The following DPP6 variants were observed in gnomAD, a reference collection of about 807,000 sequenced individuals.
DPP6 encodes dipeptidyl peptidase like 6.
Under a neutral mutation model 122.6 loss-of-function variants are expected in DPP6, and 69 were observed. The observed-to-expected ratio is 0.56, with a 90% confidence interval of 0.46 to 0.69. The LOEUF (loss-of-function observed/expected upper bound fraction) is 0.69. DPP6 is among the 30% of genes least tolerant of loss of function. The pLI is 0.00. For missense variants in DPP6, 928 were observed against 1,116.9 expected (o/e 0.83, Z 2.41); for synonymous variants, 418 against 433.1 (o/e 0.97, Z 0.43).
At chr7:153,816,416 A>G in the DPP6 span, among the ~76,000 whole-genome samples, 1 of 152,078 alleles carries the variant, frequency 6.6e-6, no homozygotes, top group Admixed American at 6.5e-5. Context: ...AATCAGTATT[A>G]ATTGTTGCTC....
chr7:154,718,572 T>C (rs1184340938), intron 7 of DPP6, among the ~76,000 whole-genome samples: 1 of 151,720 alleles, frequency 6.6e-6, no homozygotes, highest in Non-Finnish European at 1.5e-5. Context: ...CTTTAGTCAC[T>C]GTGGAACCCA....
In DPP6 at chr7:154,894,017, G is replaced by A. The variant is rs902356055; in HGVS notation, c.*1537G>A. Reference sequence around the variant, plus strand: ...TTATCCACATGAGCTCTGAACGTCCGTTATAGTTAGGGTGATTGGAAGGTC... The same window carrying A: ...TTATCCACATGAGCTCTGAACGTCCATTATAGTTAGGGTGATTGGAAGGTC... On this transcript the variant is annotated 3_prime_UTR_variant, in exon 26 of 26. Coordinates refer to ENST00000377770, the MANE Select transcript of DPP6 (RefSeq NM_130797.4). 6 of 152,336 alleles carry A rather than the reference G, an allele frequency of 3.9e-5. No individual in the cohort carries two copies. In the East Asian group the frequency reaches 7.7e-4, roughly 20 times the overall value. The allele number at this position is 152,336 out of a possible 1,614,324, so 9.4% of individuals were successfully genotyped here.
chr7:154,275,870 C>T (rs1245359890), intron 1 of DPP6, among the ~76,000 whole-genome samples: 2 of 152,222 alleles, frequency 1.3e-5, no homozygotes, highest in African/African-American at 4.8e-5. Context: ...TGGCCATTCT[C>T]ACCCCACTCT....
At chr7:154,470,984 C>T (rs1192316183) in intron 2 of DPP6, among the ~76,000 whole-genome samples, 1 of 152,180 alleles carries the variant, frequency 6.6e-6, no homozygotes, top group Admixed American at 6.5e-5. Flanking sequence ...GGCATGGTAG[C>T]TCACACCTGT....
intron 1 of DPP6, among the ~76,000 whole-genome samples, chr7:154,144,208 G>A (rs575227014): frequency 4.3e-4 from 65 of 151,984 alleles, no homozygotes; most frequent in African/African-American, 1.5e-3. Context: ...TTTAGCCCTG[G>A]TATTTGGTAT....
the DPP6 span, among the ~76,000 whole-genome samples, chr7:153,766,251 C>T: frequency 6.6e-6 from 1 of 152,154 alleles, no homozygotes; most frequent in Non-Finnish European, 1.5e-5. Context: ...GAAATAGGAA[C>T]AAAGAGAATG....
At chr7:153,802,318 G>A in the DPP6 span, among the ~76,000 whole-genome samples, 1 of 152,252 alleles carries the variant, frequency 6.6e-6, no homozygotes, top group South Asian at 2.1e-4. Flanking sequence ...CAAAACCAGC[G>A]CTCACCTGTG....
intron 1 of DPP6, among the ~76,000 whole-genome samples, chr7:154,312,549 C>T (rs1263243701): frequency 6.6e-6 from 1 of 152,194 alleles, no homozygotes; most frequent in Non-Finnish European, 1.5e-5. Context: ...TCAAGCGTCA[C>T]CTCGAGCTGC....
intron 1 of DPP6, among the ~76,000 whole-genome samples, chr7:154,232,793 C>T (rs1402770711): frequency 6.6e-6 from 1 of 152,076 alleles, no homozygotes; most frequent in Admixed American, 6.5e-5. Flanking sequence ...CTTGATGCTG[C>T]CAAGCATAGG....
chr7:154,721,281 G>A (rs1563140012), intron 7 of DPP6, among the ~76,000 whole-genome samples: 1 of 152,160 alleles, frequency 6.6e-6, no homozygotes, highest in Non-Finnish European at 1.5e-5. Flanking sequence ...GCTGACCTTG[G>A]GCAAGGCATT....
the DPP6 span, among the ~76,000 whole-genome samples, chr7:153,837,688 T>C: frequency 6.6e-6 from 1 of 152,088 alleles, no homozygotes; most frequent in African/African-American, 2.4e-5. Flanking sequence ...TAGTTTTTTC[T>C]TTGTTTTTAT....
At chr7:154,425,621 GGTGTGTGTGTGTGTGTGTGT>G (rs3056535) in intron 1 of DPP6, among the ~76,000 whole-genome samples, 1 of 121,460 alleles carries the variant, frequency 8.2e-6, no homozygotes, top group Non-Finnish European at 1.6e-5. Flanking sequence ...TGTGTGTGTG[GGTGTGTGTGTGTGTGTGTGT>G]GTGTGTGTGT....
chr7:154,452,018 A>C (rs1294141364), intron 2 of DPP6, among the ~76,000 whole-genome samples: 2 of 152,240 alleles, frequency 1.3e-5, no homozygotes, highest in East Asian at 3.8e-4. Context: ...AGGAGGTATC[A>C]AATCATTCAA....
At chr7:153,927,158 G>A (rs961813480) in intron 1 of DPP6, among the ~76,000 whole-genome samples, 3 of 151,954 alleles carry the variant, frequency 2.0e-5, no homozygotes, top group Non-Finnish European at 4.4e-5. Flanking sequence ...AAAAAATATT[G>A]ACAAGTTGGC....
chr7:154,381,405 T>C (rs1055812045), intron 1 of DPP6, among the ~76,000 whole-genome samples: 5 of 152,246 alleles, frequency 3.3e-5, no homozygotes, highest in African/African-American at 9.6e-5. Context: ...TCAACTCATA[T>C]ACACCTACAC....
chr7:153,832,895 G>T, the DPP6 span, among the ~76,000 whole-genome samples: 16 of 152,064 alleles, frequency 1.1e-4, no homozygotes, highest in African/African-American at 3.9e-4. Context: ...AATAGAGATA[G>T]TGTACTGTAG....
chr7:153,755,557 CA>C, the DPP6 span, among the ~76,000 whole-genome samples: 1 of 151,684 alleles, frequency 6.6e-6, no homozygotes, highest in African/African-American at 2.4e-5. Flanking sequence ...CTCCCTTTGC[CA>C]AAATACCTCC....
intron 8 of DPP6, among the ~76,000 whole-genome samples, chr7:154,750,519 C>T (rs1395144220): frequency 1.3e-5 from 2 of 152,210 alleles, no homozygotes; most frequent in African/African-American, 4.8e-5. Context: ...TTTTCTCCTC[C>T]CACGGCGGGG....
At chr7:154,754,677 G>A (rs1441292120) in intron 8 of DPP6, among the ~76,000 whole-genome samples, 2 of 152,134 alleles carry the variant, frequency 1.3e-5, no homozygotes, top group Non-Finnish European at 2.9e-5. Context: ...ACATGCACAC[G>A]TATGTTTATT....
Sources: allele counts gnomAD v4.1 joint callset (sites outside exome capture counted in the v4.1 genomes callset), GRCh38; gene constraint gnomAD v4.1.1; transcripts MANE v1.5; gene names NCBI Gene and HGNC (gene_info 2026-07-23, HGNC 2026-07-21).